Variants in KLF5 observed in about 807,000 individuals in gnomAD.
KLF5 encodes the protein KLF transcription factor 5, also known as Krueppel-like factor 5.
A neutral mutation model predicts 36.9 loss-of-function variants in KLF5; 9 were observed. The ratio of observed to expected loss-of-function variants is 0.24; its 90% CI spans 0.15 to 0.43. The LOEUF (loss-of-function observed/expected upper bound fraction) is 0.43. KLF5 is among the 20% of genes least tolerant of loss of function. The pLI, the probability that KLF5 is intolerant of heterozygous loss-of-function variation, is 1.00. For synonymous variants in KLF5, 246 were observed against 241.7 expected, an observed-to-expected ratio of 1.02 and a Z score of -0.17; for missense variants, 524 against 599.5, an observed-to-expected ratio of 0.87 and a Z score of 1.31.
At chr13:73,064,115 C>T (rs868353120) in intron 3 of KLF5, among the ~76,000 whole-genome samples, 2 of 151,806 alleles carry the variant, frequency 1.3e-5, no homozygotes, top group African/African-American at 2.4e-5. Flanking sequence ...GCCCTGTCAC[C>T]GCTCAGAGTT....
chr13:73,055,411 AT>A (rs2044577494), upstream of KLF5, among the ~76,000 whole-genome samples: 1 of 152,212 alleles, frequency 6.6e-6, no homozygotes, highest in Admixed American at 6.5e-5. Flanking sequence ...ATTTAGTCTT[AT>A]TTAAACTGCA....
chr13:73,066,319 GT>G (rs1308142158), intron 3 of KLF5, among the ~76,000 whole-genome samples: 1 of 124,824 alleles, frequency 8.0e-6, no homozygotes, highest in Non-Finnish European at 1.7e-5. Flanking sequence ...GCCAGCAAAG[GT>G]GTTTTTTTTT....
At chr13:73,066,233 C>T (rs2044678821) in intron 3 of KLF5, among the ~76,000 whole-genome samples, 2 of 151,926 alleles carry the variant, frequency 1.3e-5, no homozygotes, top group Admixed American at 1.3e-4. Flanking sequence ...TAGACAATGC[C>T]TTTTAAAATT....
At chr13:73,064,666 C>T (rs2044666354) in intron 3 of KLF5, among the ~76,000 whole-genome samples, 1 of 152,108 alleles carries the variant, frequency 6.6e-6, no homozygotes, top group African/African-American at 2.4e-5. Context: ...GCTTCAGCCT[C>T]CCGAGTAGCT....
At chr13:73,059,690 C>T in intron 1 of KLF5, 102 bp downstream of exon 1, 1 of 950,192 alleles carries the variant, frequency 1.1e-6, no homozygotes, top group Non-Finnish European at 1.3e-6. Context: ...CTGGGGCGTG[C>T]GTCGGGGCGC....
intron 3 of KLF5, among the ~76,000 whole-genome samples, chr13:73,066,555 T>C (rs2044681588): frequency 6.6e-6 from 1 of 152,188 alleles, no homozygotes; most frequent in African/African-American, 2.4e-5. Context: ...CTTTGGAAAA[T>C]AATTGTAATT....
At chr13:73,060,273 G>C (rs977005794) in intron 1 of KLF5, among the ~76,000 whole-genome samples, 1 of 151,474 alleles carries the variant, frequency 6.6e-6, no homozygotes, top group Non-Finnish European at 1.5e-5. Context: ...CCCAGCAGCC[G>C]AATTAGAGCA....
chr13:73,067,621 A>G (rs763511169), intron 3 of KLF5, among the ~76,000 whole-genome samples: 1 of 152,140 alleles, frequency 6.6e-6, no homozygotes, highest in Non-Finnish European at 1.5e-5. Flanking sequence ...TATCTGGAAC[A>G]GGGCAAGAAA....
At position 73,062,043 on chromosome 13, in the gene KLF5, T is replaced by G. The variant is rs1207483290; in HGVS notation, c.444T>G (p.Thr148=). ...VFLPDITHLR[T]GLYKSQRPCV... ...TCCCTGACATCACTCACCTGAGAAC[T>G]GGCCTCTACAAATCCCAGAGACCGT... is the stretch of plus-strand genomic sequence containing the variant. The change falls in exon 2 of 4, where the codon ACT becomes ACG. Residue 148 remains threonine (T), a synonymous_variant. Coordinates refer to ENST00000377687, the MANE Select transcript of KLF5 (RefSeq NM_001730.5). 1.2e-6 allele frequency: 2 copies of G among 1,613,978 alleles called. No homozygotes were observed. Among genetic ancestry groups the G allele is most frequent in the Non-Finnish European group, 1.7e-6 (2 of 1,180,014 alleles).
In KLF5 at chr13:73,062,382, A is replaced by G. The variant is rs777437255; in HGVS notation, c.783A>G (p.Ala261=). 15 of 1,614,102 alleles carry G rather than the reference A, an allele frequency of 9.3e-6. No individual in the cohort carries two copies. The African/African-American group carries it at 1.5e-4, about 16-fold the overall frequency. Reference sequence around the variant, plus strand: ...ATGTTTCTATGTCAGCTGCCATGGCAGGCCTTAACACACACACCTCTGCTG... The same window carrying G: ...ATGTTTCTATGTCAGCTGCCATGGCGGGCCTTAACACACACACCTCTGCTG... The part of the protein sequence containing the change: ...TLNVSMSAAM[A]GLNTHTSAVP... Residue 261 remains alanine, a synonymous_variant, in exon 2 of 4, where the codon GCA becomes GCG. Transcript: ENST00000377687.
chr13:73,072,438 T>C (rs1354096227), intron 3 of KLF5, among the ~76,000 whole-genome samples: 6 of 152,186 alleles, frequency 3.9e-5, no homozygotes, highest in Admixed American at 3.3e-4. Flanking sequence ...TTTCAGATCG[T>C]CTGGGGTTCA....
intron 3 of KLF5, among the ~76,000 whole-genome samples, chr13:73,074,811 A>G (rs2044748186): frequency 6.6e-6 from 1 of 152,206 alleles, no homozygotes; most frequent in Non-Finnish European, 1.5e-5. Flanking sequence ...TGTATATTAC[A>G]CATGTAAGCT....
chr13:73,058,837 C>T (rs975914098), upstream of KLF5: 116 of 152,880 alleles, frequency 7.6e-4, no homozygotes, highest in Middle Eastern at 3.4e-3. Flanking sequence ...GGGGTGCGGT[C>T]GGGCCGACGG....
chr13:73,065,340 T>C (rs1371570529), intron 3 of KLF5, among the ~76,000 whole-genome samples: 2 of 152,368 alleles, frequency 1.3e-5, no homozygotes, highest in African/African-American at 4.8e-5. Flanking sequence ...GTATGCATGT[T>C]AGGAAGCATT....
Position 73,077,210 on chromosome 13 carries a change from TAAG to T in KLF5, c.*1325_*1327del, listed in dbSNP as rs2139122333. The T allele has an allele frequency of 6.5e-6, 1 of 152,782 alleles. No individual in the cohort carries two copies. The highest frequency in any genetic ancestry group is 2.1e-4 in the South Asian group (1 of 4,832). 9.5% of individuals were successfully genotyped at this position (152,782 alleles called of 1,614,324 possible). On this transcript the variant is annotated 3_prime_UTR_variant, in exon 4 of 4. Coordinates refer to ENST00000377687, the MANE Select transcript of KLF5 (RefSeq NM_001730.5). ...CTTTATTTATTTTGTGGTAATATAGTAAGTTTTTTTAGAAGACAATTTTCATAA... is the reference window on the plus strand; with the variant it reads ...CTTTATTTATTTTGTGGTAATATAGTTTTTTTTAGAAGACAATTTTCATAA...
chr13:73,066,632 A>T (rs1433179134), intron 3 of KLF5, among the ~76,000 whole-genome samples: 1 of 152,224 alleles, frequency 6.6e-6, no homozygotes, highest in African/African-American at 2.4e-5. Context: ...CCTACATCTG[A>T]GTTTAATTAC....
upstream of KLF5, among the ~76,000 whole-genome samples, chr13:73,057,805 G>A (rs963468362): frequency 6.6e-6 from 1 of 152,198 alleles, no homozygotes; most frequent in East Asian, 1.9e-4. Flanking sequence ...TTTTATTGCA[G>A]TTTATTGTTC....
At chr13:73,071,507 C>T (rs1036534859) in intron 3 of KLF5, among the ~76,000 whole-genome samples, 17 of 152,180 alleles carry the variant, frequency 1.1e-4, no homozygotes, top group South Asian at 2.1e-4. Context: ...CTGGCATAGA[C>T]GTAAAAATAT....
intron 3 of KLF5, among the ~76,000 whole-genome samples, chr13:73,068,083 C>T (rs2044694032): frequency 1.4e-5 from 2 of 143,662 alleles, no homozygotes; most frequent in Non-Finnish European, 1.5e-5. Context: ...TCAGATGATC[C>T]ACCCGCCCCA....
Sources: gnomAD v4.1 joint callset for allele counts (sites outside exome capture counted in the v4.1 genomes callset) on GRCh38, gnomAD v4.1.1 for gene constraint, MANE v1.5 for transcripts, NCBI Gene and HGNC (gene_info 2026-07-23, HGNC 2026-07-21) for gene names.